Variants in ATP7A observed in about 807,000 individuals in gnomAD.
ATP7A encodes copper-transporting ATPase 1.
Under a neutral mutation model 83.5 loss-of-function variants are expected in ATP7A, and 7 were observed. The ratio of observed to expected loss-of-function variants is 0.08; its 90% confidence interval spans 0.05 to 0.16. The LOEUF is 0.16. Among genes scored for constraint, ATP7A ranks in the 10% least tolerant of loss-of-function variants. ATP7A has a pLI of 1.00. For synonymous variants in ATP7A, 354 were observed against 395.2 expected, an observed-to-expected ratio of 0.90 and a Z score of 1.24; for missense variants, 940 against 1,120.8, an observed-to-expected ratio of 0.84 and a Z score of 2.30.
intron 5 of ATP7A, among the ~76,000 whole-genome samples, chrX:78,002,334 G>A (rs782683254): frequency 1.7e-4 from 18 of 104,895 alleles, no homozygotes; most frequent in Admixed American, 9.5e-4. Flanking sequence ...TGCCCTCCTC[G>A]GCCTCCCGAA....
chrX:78,046,181 A>G, intron 22 of ATP7A, 113 bp from the exon 23 acceptor site: 1 of 917,027 alleles, frequency 1.1e-6, no homozygotes, highest in East Asian at 3.1e-5. Context: ...ACCTTTATAC[A>G]TTTCATACCA....
At chrX:77,966,399 A>T (rs1557228747) in intron 1 of ATP7A, among the ~76,000 whole-genome samples, 1 of 112,492 alleles carries the variant, frequency 8.9e-6, no homozygotes, top group African/African-American at 3.2e-5. Context: ...AAAAAAGATA[A>T]ATTGGACTTC....
chrX:77,931,322 G>C (rs1473771709), intron 1 of ATP7A, among the ~76,000 whole-genome samples: 18 of 110,757 alleles, frequency 1.6e-4, no homozygotes. Context: ...GAGAGCACAG[G>C]GTTGGGGGTA....
intron 4 of ATP7A, among the ~76,000 whole-genome samples, chrX:77,993,608 G>T (rs1173633522): frequency 9.0e-6 from 1 of 111,563 alleles, no homozygotes; most frequent in Non-Finnish European, 1.9e-5. Flanking sequence ...CCACATAGAC[G>T]ATGGTGGTCC....
chrX:78,000,078 C>T (rs1476020351), intron 5 of ATP7A, among the ~76,000 whole-genome samples: 1 of 110,305 alleles, frequency 9.1e-6, no homozygotes, highest in Admixed American at 9.8e-5. Context: ...GAGAAAATTA[C>T]TCAAAATGTA....
intron 14 of ATP7A, among the ~76,000 whole-genome samples, chrX:78,024,075 T>G (rs143416935): frequency 5.5e-4 from 62 of 111,843 alleles, no homozygotes; most frequent in Admixed American, 9.5e-4. Flanking sequence ...TTGTTTGTTT[T>G]TGTCAACTTT....
At chrX:77,965,636 A>C (rs1557228634) in intron 1 of ATP7A, among the ~76,000 whole-genome samples, 1 of 112,010 alleles carries the variant, frequency 8.9e-6, no homozygotes, top group Admixed American at 9.5e-5. Flanking sequence ...TATATGACCC[A>C]GCAAGTCTAC....
At position 78,046,694 on chromosome X, in the gene ATP7A, T is replaced by C. The variant is rs1242344559; in HGVS notation, c.*124T>C. The C allele has an allele frequency of 7.7e-5, 72 of 940,977 alleles. No homozygotes were observed. Among genetic ancestry groups the C allele is most frequent in the Admixed American group, 2.3e-5 (1 of 43,515 alleles). The allele number at this position is 940,977 out of a possible 1,213,427, so 77.5% of individuals were successfully genotyped here. On this transcript the variant is annotated 3_prime_UTR_variant, in exon 23 of 23. Transcript: ENST00000341514. ...CATGCTCTTATATTAGGGATTCTATTTGAGTTGCGTTTATCTGTTGGCAAA... is the reference window on the plus strand; with the variant it reads ...CATGCTCTTATATTAGGGATTCTATCTGAGTTGCGTTTATCTGTTGGCAAA...
At chrX:77,912,501 A>G (rs2077165640) in intron 1 of ATP7A, among the ~76,000 whole-genome samples, 1 of 111,844 alleles carries the variant, frequency 8.9e-6, no homozygotes, top group South Asian at 3.7e-4. Flanking sequence ...AATATAGAAT[A>G]CAAAACTAGT....
At chrX:77,969,620 C>G (rs1557229381) in intron 1 of ATP7A, 1 of 1,211,994 alleles carries the variant, frequency 8.3e-7, no homozygotes, top group South Asian at 1.8e-5. Context: ...CGGATCAGCA[C>G]CAGTTTGTAG....
chrX:77,994,616 T>C (rs1247819707), intron 4 of ATP7A, among the ~76,000 whole-genome samples: 5 of 110,707 alleles, frequency 4.5e-5, no homozygotes, highest in African/African-American at 1.6e-4. Context: ...CACAGCTCAC[T>C]GCAGCCTTAA....
At chrX:77,966,383 C>G (rs1175315752) in intron 1 of ATP7A, among the ~76,000 whole-genome samples, 1 of 111,647 alleles carries the variant, frequency 9.0e-6, no homozygotes, top group Admixed American at 9.5e-5. Flanking sequence ...ACAAAAAACA[C>G]AAAAGAAAAA....
rs1054267016 is a variant in ATP7A at position 77,997,160 on chromosome X, C to T, written c.1337-1318C>T. 2.7e-5 allele frequency among the ~76,000 whole-genome samples: 3 copies of T among 112,064 alleles called. No individual in the cohort carries two copies. The East Asian group carries it at 8.3e-4, about 31-fold the overall frequency. On this transcript the variant is annotated intron_variant, in intron 4 of 22. Transcript: ENST00000341514. Reference sequence around the variant, plus strand: ...ATGTGACAGACTTGTACACGTACCTCCTGAATCTAAAATAAAAGTTGAAAT... The same window carrying T: ...ATGTGACAGACTTGTACACGTACCTTCTGAATCTAAAATAAAAGTTGAAAT...
At chrX:77,995,723 C>T (rs2077699498) in intron 4 of ATP7A, among the ~76,000 whole-genome samples, 1 of 110,830 alleles carries the variant, frequency 9.0e-6, no homozygotes, top group South Asian at 3.8e-4. Flanking sequence ...AAATTCCTTC[C>T]ATTTTGTGAC....
intron 1 of ATP7A, among the ~76,000 whole-genome samples, chrX:77,939,894 C>CCA (rs2077342054): frequency 2.9e-5 from 3 of 102,833 alleles, no homozygotes; most frequent in African/African-American, 7.0e-5. Context: ...GGGGACCCCC[C>CCA]AAAAACAAAA....
At chrX:78,025,382 C>T (rs1158421855) in intron 14 of ATP7A, among the ~76,000 whole-genome samples, 4 of 112,074 alleles carry the variant, frequency 3.6e-5, no homozygotes, top group African/African-American at 6.5e-5. Flanking sequence ...TCTCTAGCAA[C>T]GGATCCTAAG....
chrX:78,040,210 C>T (rs868980427), intron 18 of ATP7A, among the ~76,000 whole-genome samples: 1 of 88,671 alleles, frequency 1.1e-5, no homozygotes, highest in African/African-American at 4.6e-5. Flanking sequence ...CCCCCCCCCC[C>T]TTACCTTAAA....
intron 1 of ATP7A, among the ~76,000 whole-genome samples, chrX:77,913,590 C>T (rs1474182845): frequency 3.6e-5 from 4 of 112,018 alleles, no homozygotes; most frequent in African/African-American, 1.3e-4. Context: ...ATCAAAATTC[C>T]TTTAGAATGT....
chrX:78,042,539 G>A (rs1557238557), intron 19 of ATP7A, 46 bp from the exon 20 acceptor site: 6 of 1,149,891 alleles, frequency 5.2e-6, no homozygotes, highest in Middle Eastern at 2.4e-4. Flanking sequence ...TATGTTTCAC[G>A]TACTCATTAT....
Sources: gnomAD v4.1 joint callset for allele counts (sites outside exome capture counted in the v4.1 genomes callset) on GRCh38, gnomAD v4.1.1 for gene constraint, MANE v1.5 for transcripts, NCBI Gene and HGNC (gene_info 2026-07-23, HGNC 2026-07-21) for gene names.